Variants in SEMA6D observed in about 807,000 individuals in gnomAD.
SEMA6D encodes the protein semaphorin-6D.
SEMA6D carries 35 observed loss-of-function variants against 106.6 expected under a neutral mutation model. The observed-to-expected ratio is 0.33, with a 90% confidence interval of 0.25 to 0.44. The LOEUF is 0.44. Among genes scored for constraint, SEMA6D ranks in the 20% least tolerant of loss-of-function variants. The pLI is 1.00. For synonymous variants in SEMA6D, 499 were observed against 487.7 expected (o/e 1.02, Z -0.31); for missense variants, 1,185 against 1,345.9 (o/e 0.88, Z 1.87).
intron 3 of SEMA6D, among the ~76,000 whole-genome samples, chr15:47,532,494 C>T (rs1040688084): frequency 3.3e-5 from 5 of 152,186 alleles, no homozygotes; most frequent in African/African-American, 9.7e-5. Flanking sequence ...AGCTCCCTAT[C>T]GCTTTGGCTT....
Position 47,673,704 on chromosome 15 carries a change from G to C in SEMA6D, c.-55+72808G>C, listed in dbSNP as rs12899874. ...AAGGAAAAGGAGGGAGCTGTCACGT[G>C]GGGGGAGAATTAGCCTCAGAATAAC... On this transcript the variant is annotated intron_variant, in intron 4 of 19. Coordinates refer to the SEMA6D transcript ENST00000558014. Among the ~76,000 whole-genome samples the C allele has an allele frequency of 2.6e-5, 4 of 152,148 alleles. No individual in the cohort carries two copies. The East Asian group carries it at 5.8e-4, about 22-fold the overall frequency.
At chr15:47,231,191 G>A (rs959770361) in intron 1 of SEMA6D, among the ~76,000 whole-genome samples, 1 of 150,810 alleles carries the variant, frequency 6.6e-6, no homozygotes, top group Non-Finnish European at 1.5e-5. Flanking sequence ...CTTGAATGTC[G>A]AGCTTAGCGG....
chr15:47,606,883 T>A (rs2076792920), intron 4 of SEMA6D, among the ~76,000 whole-genome samples: 1 of 152,214 alleles, frequency 6.6e-6, no homozygotes, highest in Non-Finnish European at 1.5e-5. Flanking sequence ...TTCAGACTTC[T>A]GAAGGCAACC....
intron 1 of SEMA6D, among the ~76,000 whole-genome samples, chr15:47,304,965 T>A (rs1296722995): frequency 6.6e-6 from 1 of 152,226 alleles, no homozygotes; most frequent in Non-Finnish European, 1.5e-5. Context: ...CTATTCATAC[T>A]TAGATGAGAA....
intron 4 of SEMA6D, among the ~76,000 whole-genome samples, chr15:47,619,075 A>T (rs1056462335): frequency 6.6e-6 from 1 of 152,208 alleles, no homozygotes; most frequent in Non-Finnish European, 1.5e-5. Flanking sequence ...ACGTTGCAGG[A>T]TTCAAGCACA....
At chr15:47,365,872 GAA>G (rs1419339018) in intron 1 of SEMA6D, among the ~76,000 whole-genome samples, 234 of 126,648 alleles carry the variant, frequency 1.8e-3, no homozygotes, top group African/African-American at 5.3e-3. Flanking sequence ...AAGAAAGAAA[GAA>G]AGAGAGAGAG....
intron 1 of SEMA6D, among the ~76,000 whole-genome samples, chr15:47,275,664 TTCTC>T (rs2034771614): frequency 6.6e-6 from 1 of 152,192 alleles, no homozygotes; most frequent in Non-Finnish European, 1.5e-5. Context: ...CTATTCTCCC[TTCTC>T]TCTCTCCTTG....
intron 4 of SEMA6D, among the ~76,000 whole-genome samples, chr15:47,652,036 G>A (rs2077702357): frequency 6.6e-6 from 1 of 152,130 alleles, no homozygotes; most frequent in Non-Finnish European, 1.5e-5. Context: ...CCTACTCTTA[G>A]TATTCATAAG....
chr15:47,343,248 T>TTTGTTATTA (rs1555425174), intron 1 of SEMA6D, among the ~76,000 whole-genome samples: 1 of 146,148 alleles, frequency 6.8e-6, no homozygotes, highest in Non-Finnish European at 1.5e-5. Context: ...TAGTTGGATT[T>TTTGTTATTA]TTATTATTAT....
intron 1 of SEMA6D, among the ~76,000 whole-genome samples, chr15:47,268,229 A>ATATG (rs1469066950): frequency 6.6e-6 from 1 of 152,214 alleles, no homozygotes; most frequent in Non-Finnish European, 1.5e-5. Flanking sequence ...TTGCACTGAG[A>ATATG]TATGGCCTAG....
At chr15:47,432,486 A>C (rs1001026428) in intron 2 of SEMA6D, among the ~76,000 whole-genome samples, 1 of 106,648 alleles carries the variant, frequency 9.4e-6, no homozygotes, top group African/African-American at 3.3e-5. Flanking sequence ...ATTTATTTCT[A>C]TATATATATA....
chr15:47,355,429 C>G (rs960107723), intron 1 of SEMA6D, among the ~76,000 whole-genome samples: 2 of 152,094 alleles, frequency 1.3e-5, no homozygotes, highest in African/African-American at 4.8e-5. Context: ...GAAAGACATT[C>G]AGAAATCAAA....
chr15:47,761,009 A>C lies in SEMA6D; in HGVS notation c.253A>C (p.Met85Leu). The C allele has an allele frequency of 6.2e-7, 1 of 1,613,584 alleles. No individual in the cohort carries two copies. Among genetic ancestry groups the C allele is most frequent in the Non-Finnish European group, 8.5e-7 (1 of 1,179,692 alleles). The change falls in exon 4 of 19, where the codon ATG (methionine) becomes CTG (leucine). Residue 85 changes from methionine (M) to leucine (L), a missense_variant. By Grantham distance (15) the Met-to-Leu change is conservative. Around this residue, in one of 3 missense-constraint regions of SEMA6D, gnomAD observed 144 missense variants for 138.6 expected, o/e 1.04. Transcript: ENST00000536845. ...DQVYTVNLNE[M>L]PKTEVIPNKK... Reference sequence around the variant, plus strand: ...AGTTTATACAGTAAACTTAAATGAAATGCCCAAAACAGAAGTAATACCCAA... The same window carrying C: ...AGTTTATACAGTAAACTTAAATGAACTGCCCAAAACAGAAGTAATACCCAA...
intron 3 of SEMA6D, among the ~76,000 whole-genome samples, chr15:47,523,173 A>T (rs1401388608): frequency 6.6e-6 from 1 of 152,170 alleles, no homozygotes; most frequent in East Asian, 1.9e-4. Flanking sequence ...CCCACTTGGG[A>T]GGTCAGCCTC....
At chr15:47,185,072 C>T (rs1893467503) in intron 1 of SEMA6D, among the ~76,000 whole-genome samples, 2 of 152,160 alleles carry the variant, frequency 1.3e-5, no homozygotes, top group South Asian at 4.1e-4. Flanking sequence ...GCGCGGCCGG[C>T]GAGCAGGCGT....
chr15:47,476,184 G>A (rs1020836324), intron 3 of SEMA6D, among the ~76,000 whole-genome samples: 6 of 152,110 alleles, frequency 3.9e-5, no homozygotes, highest in African/African-American at 1.4e-4. Flanking sequence ...TTAACTTTAC[G>A]GAGAATGCTG....
Position 47,370,001 on chromosome 15 carries a change from A to G in SEMA6D, c.-238-42392A>G, listed in dbSNP as rs184118403. Among the ~76,000 whole-genome samples, 5 of 152,354 alleles carry G rather than the reference A, an allele frequency of 3.3e-5. No homozygotes were observed. In the East Asian group the frequency reaches 9.6e-4, roughly 29 times the overall value. ...TGCAGATGAAAAAACAGAGGTCCACATATGTTATGTAATCAGCCTGATTAT... is the reference window on the plus strand; with the variant it reads ...TGCAGATGAAAAAACAGAGGTCCACGTATGTTATGTAATCAGCCTGATTAT... On this transcript the variant is annotated intron_variant, in intron 1 of 19. Coordinates refer to the SEMA6D transcript ENST00000558014.
Position 47,770,572 on chromosome 15 carries a change from C to T in SEMA6D, c.2009C>T (p.Ala670Val), listed in dbSNP as rs1490250990. The T allele has an allele frequency of 6.2e-7, 1 of 1,613,878 alleles. No homozygotes were observed. Among genetic ancestry groups the T allele is most frequent in the Admixed American group, 1.7e-5 (1 of 60,008 alleles). Reference protein sequence around the residue: ...HMNVLITCVFAAFVLGAFIAG... With the variant: ...HMNVLITCVFVAFVLGAFIAG... ...AATGTCCTCATCACCTGTGTCTTTG[C>T]TGCTTTTGTTTTGGGGGCATTCATT... The change falls in exon 19 of 19, where the codon GCT becomes GTT. Residue 670 changes from alanine to valine, a missense_variant. Coordinates refer to ENST00000536845, the MANE Select transcript of SEMA6D (RefSeq NM_001358351.3).
chr15:47,272,107 T>G (rs2142285130), intron 1 of SEMA6D, among the ~76,000 whole-genome samples: 1 of 152,256 alleles, frequency 6.6e-6, no homozygotes, highest in African/African-American at 2.4e-5. Context: ...GGCAGTTGGA[T>G]TTTAGGTGTC....
Sources: gnomAD v4.1 joint callset for allele counts (sites outside exome capture counted in the v4.1 genomes callset) on GRCh38, gnomAD v4.1.1 for gene constraint, gnomAD v4.1.1 regional missense constraint, MANE v1.5 for transcripts, NCBI Gene and HGNC (gene_info 2026-07-23, HGNC 2026-07-21) for gene names.